EPB41L4A: variants seen among roughly 807,000 people sequenced by gnomAD.
EPB41L4A encodes the protein band 4.1-like protein 4A.
A neutral mutation model predicts 108.6 loss-of-function variants in EPB41L4A; 100 were observed. The ratio of observed to expected loss-of-function variants is 0.92; its 90% CI spans 0.78 to 1.09. The LOEUF is 1.09. Among genes scored for constraint, EPB41L4A ranks in the 50% least tolerant of loss-of-function variants. The pLI, the probability that EPB41L4A is intolerant of heterozygous loss-of-function variation, is 0.00. For missense variants in EPB41L4A, 1,030 were observed against 842.7 expected, an observed-to-expected ratio of 1.22 and a Z score of -2.75; for synonymous variants, 319 against 289.0, an observed-to-expected ratio of 1.10 and a Z score of -1.05.
intron 12 of EPB41L4A, among the ~76,000 whole-genome samples, chr5:112,215,103 AT>A (rs1747521362): frequency 6.6e-6 from 1 of 152,178 alleles, no homozygotes; most frequent in Non-Finnish European, 1.5e-5. Flanking sequence ...TGTTTCTACC[AT>A]TTTTGCCACT....
intron 1 of EPB41L4A, among the ~76,000 whole-genome samples, chr5:112,313,236 T>C (rs1367762451): frequency 2.0e-5 from 3 of 152,190 alleles, no homozygotes; most frequent in African/African-American, 7.2e-5. Context: ...AAGAAACTTC[T>C]AAAAAGTGAC....
chr5:112,209,735 G>A (rs1762640695), intron 13 of EPB41L4A, among the ~76,000 whole-genome samples, 157 bp downstream of exon 13: 1 of 152,160 alleles, frequency 6.6e-6, no homozygotes. Flanking sequence ...TTTCATTGGT[G>A]TTTTAATGTA....
chr5:112,303,542 G>T (rs1353752261), intron 2 of EPB41L4A, among the ~76,000 whole-genome samples: 1 of 152,110 alleles, frequency 6.6e-6, no homozygotes, highest in Admixed American at 6.6e-5. Flanking sequence ...TCGTAGAGAA[G>T]ACTGAACAGG....
At chr5:112,309,487 A>C (rs937091359) in intron 1 of EPB41L4A, among the ~76,000 whole-genome samples, 7 of 152,140 alleles carry the variant, frequency 4.6e-5, no homozygotes, top group Admixed American at 4.6e-4. Flanking sequence ...TAAGATATTT[A>C]CAAAGTGAAA....
chr5:112,419,678 TCGCTCCGTC>T, upstream of EPB41L4A: 1 of 456,460 alleles, frequency 2.2e-6, no homozygotes, highest in African/African-American at 2.0e-5. Context: ...GCGAAGGTCG[TCGCTCCGTC>T]CGCTACCCCG....
chr5:112,170,919 C>T, intron 19 of EPB41L4A, 26 bp downstream of exon 19: 1 of 1,605,538 alleles, frequency 6.2e-7, no homozygotes, highest in South Asian at 1.1e-5. Context: ...GGTTTTAAAA[C>T]AATAAGAAAG....
intron 18 of EPB41L4A, among the ~76,000 whole-genome samples, chr5:112,181,757 G>C (rs1761169225): frequency 1.3e-5 from 2 of 152,146 alleles, no homozygotes; most frequent in South Asian, 4.1e-4. Context: ...AGTTCGACAA[G>C]AGAGAAAAAC....
At chr5:112,392,164 G>A (rs762547214) in intron 1 of EPB41L4A, among the ~76,000 whole-genome samples, 7 of 151,938 alleles carry the variant, frequency 4.6e-5, no homozygotes, top group East Asian at 3.9e-4. Flanking sequence ...AAACTGCATC[G>A]ACTAATGGGA....
upstream of EPB41L4A, chr5:112,419,459 A>G: frequency 2.8e-6 from 1 of 361,518 alleles, no homozygotes; most frequent in African/African-American, 2.1e-5. Flanking sequence ...AAACCCTGGA[A>G]GCGCTGCACC....
chr5:112,182,708 C>G (rs1163818491), intron 18 of EPB41L4A, among the ~76,000 whole-genome samples: 2 of 152,042 alleles, frequency 1.3e-5, no homozygotes, highest in African/African-American at 4.8e-5. Context: ...TTACCCGTGA[C>G]TACGCTGTAT....
upstream of EPB41L4A, chr5:112,419,775 A>C: frequency 2.2e-6 from 1 of 456,694 alleles, no homozygotes. Context: ...CAGCGAGGGG[A>C]GGTCAGCTCG....
chr5:112,222,239 C>A (rs1748116831), intron 12 of EPB41L4A, among the ~76,000 whole-genome samples: 1 of 152,190 alleles, frequency 6.6e-6, no homozygotes, highest in African/African-American at 2.4e-5. Flanking sequence ...GGGGAAAAAA[C>A]AGAAGTTGTA....
At chr5:112,147,633 G>A (rs1479080254) in intron 12 of EPB41L4A, among the ~76,000 whole-genome samples, 1 of 131,904 alleles carries the variant, frequency 7.6e-6, no homozygotes. Context: ...ACGAGACTCT[G>A]TCTCAAGAAA....
chr5:112,415,705 A>C (rs1183997399), intron 1 of EPB41L4A, among the ~76,000 whole-genome samples: 1 of 152,180 alleles, frequency 6.6e-6, no homozygotes, highest in Non-Finnish European at 1.5e-5. Context: ...AACAACTGAG[A>C]CCAACCATAC....
intron 12 of EPB41L4A, among the ~76,000 whole-genome samples, chr5:112,147,496 C>T (rs937211649): frequency 1.6e-4 from 24 of 151,542 alleles, no homozygotes; most frequent in African/African-American, 5.6e-4. Flanking sequence ...AAAAATTAGC[C>T]GGGTGTGGTG....
chr5:112,239,249 A>T (rs1561500717), intron 11 of EPB41L4A, among the ~76,000 whole-genome samples: 2 of 152,270 alleles, frequency 1.3e-5, no homozygotes, highest in African/African-American at 4.8e-5. Context: ...TGTTGCAGAA[A>T]AAACAAGGTT....
intron 2 of EPB41L4A, among the ~76,000 whole-genome samples, chr5:112,289,818 G>A (rs1283669705): frequency 2.6e-5 from 4 of 152,266 alleles, no homozygotes; most frequent in Middle Eastern, 6.8e-3. Flanking sequence ...TGCCAAAGTC[G>A]CAGATCCACG....
chr5:112,213,390 C>A lies in EPB41L4A; in HGVS notation c.1088-3408G>T, dbSNP rs138830827. Among the ~76,000 whole-genome samples the A allele has an allele frequency of 3.6e-3, 542 of 151,690 alleles. 5 individuals are homozygous for A. The highest frequency in any genetic ancestry group is 0.012 in the African/African-American group (503 of 41,284). On this transcript the variant is annotated intron_variant, in intron 12 of 22. Coordinates refer to ENST00000261486, the MANE Select transcript of EPB41L4A (RefSeq NM_022140.5). The stretch of plus-strand genomic sequence containing the variant: ...TTAAGATAGACTCTTGCTCTGTCAC[C>A]CAGGCTGGAGTGCAGTGGCACGATC...
intron 2 of EPB41L4A, among the ~76,000 whole-genome samples, chr5:112,283,264 TG>T (rs1235630717): frequency 6.6e-6 from 1 of 152,222 alleles, no homozygotes; most frequent in Non-Finnish European, 1.5e-5. Context: ...AAATCTCATT[TG>T]ATCAAAATGG....
Sources: gnomAD v4.1 joint callset for allele counts (sites outside exome capture counted in the v4.1 genomes callset) on GRCh38, gnomAD v4.1.1 for gene constraint, MANE v1.5 for transcripts, NCBI Gene and HGNC (gene_info 2026-07-23, HGNC 2026-07-21) for gene names.